The following SLC38A11 variants were observed in gnomAD, a reference collection of about 807,000 sequenced individuals.
The protein encoded by SLC38A11 is putative sodium-coupled neutral amino acid transporter 11.
In SLC38A11, 51 loss-of-function variants were observed where a neutral mutation model predicts 49.4. The observed-to-expected ratio is 1.03, with a 90% confidence interval of 0.83 to 1.30. The LOEUF (loss-of-function observed/expected upper bound fraction) is 1.30. Among genes scored for constraint, SLC38A11 ranks in the 50% most tolerant of loss-of-function variants. SLC38A11 has a pLI of 0.00. For synonymous variants in SLC38A11, 203 were observed against 192.9 expected (o/e 1.05, Z -0.43); for missense variants, 574 against 556.2 (o/e 1.03, Z -0.32).
At chr2:164,926,937 C>T (rs74169442) in intron 7 of SLC38A11, among the ~76,000 whole-genome samples, 2 of 150,910 alleles carry the variant, frequency 1.3e-5, no homozygotes, top group Non-Finnish European at 3.0e-5. Context: ...GGGTGCAGCA[C>T]ACCAACATGG....
chr2:164,919,911 G>A (rs964051420), intron 7 of SLC38A11, among the ~76,000 whole-genome samples: 1 of 152,094 alleles, frequency 6.6e-6, no homozygotes, highest in Non-Finnish European at 1.5e-5. Context: ...TATCTATAGG[G>A]TGTATGTTCC....
intron 3 of SLC38A11, among the ~76,000 whole-genome samples, chr2:164,951,204 A>G (rs549510969): frequency 3.2e-4 from 48 of 151,948 alleles, no homozygotes; most frequent in African/African-American, 1.0e-3. Context: ...ACTTGTATGC[A>G]TACTTTTAAA....
intron 7 of SLC38A11, among the ~76,000 whole-genome samples, chr2:164,920,777 C>T (rs1486042076): frequency 6.6e-6 from 1 of 151,798 alleles, no homozygotes; most frequent in East Asian, 1.9e-4. Context: ...GGGTATACAA[C>T]ACAAAAAGGA....
At chr2:164,948,681 G>A (rs1049623559) in intron 3 of SLC38A11, among the ~76,000 whole-genome samples, 20 of 151,994 alleles carry the variant, frequency 1.3e-4, no homozygotes, top group African/African-American at 4.6e-4. Flanking sequence ...TTCACATTAC[G>A]ACTGCATTAT....
intron 11 of SLC38A11, among the ~76,000 whole-genome samples, chr2:164,907,548 A>C (rs530381980): frequency 1.3e-5 from 2 of 152,088 alleles, no homozygotes; most frequent in Non-Finnish European, 2.9e-5. Flanking sequence ...TTACAGTGTG[A>C]GCCACCGTTC....
At chr2:164,943,341 A>C (rs2105507504) in intron 5 of SLC38A11, among the ~76,000 whole-genome samples, 1 of 152,334 alleles carries the variant, frequency 6.6e-6, no homozygotes, top group South Asian at 2.1e-4. Flanking sequence ...AAACGACACA[A>C]ATGTCCCTGA....
Position 164,939,573 on chromosome 2 carries a change from A to C in SLC38A11, c.431-17T>G. On this transcript the variant is annotated splice_polypyrimidine_tract_variant and intron_variant, in intron 5 of 11. Transcript: ENST00000685975. Reference sequence around the variant, plus strand: ...CAGGATCAACTAAAACACAATAAATATTATTAAATGTTACAGGTATAAGTA... The same window carrying C: ...CAGGATCAACTAAAACACAATAAATCTTATTAAATGTTACAGGTATAAGTA... 6.5e-7 allele frequency: 1 copy of C among 1,536,634 alleles called. No homozygotes were observed. The highest frequency in any genetic ancestry group is 9.0e-7 in the Non-Finnish European group (1 of 1,114,072).
chr2:164,936,144 A>G (rs1230706044), intron 7 of SLC38A11, among the ~76,000 whole-genome samples: 1 of 152,230 alleles, frequency 6.6e-6, no homozygotes, highest in East Asian at 1.9e-4. Context: ...GAAGAAAAAA[A>G]TAATATAAAT....
At chr2:164,927,319 T>C (rs569257076) in intron 7 of SLC38A11, among the ~76,000 whole-genome samples, 8 of 152,138 alleles carry the variant, frequency 5.3e-5, no homozygotes, top group Admixed American at 2.0e-4. Flanking sequence ...TCTTTATAAA[T>C]TACCCAGTCT....
chr2:164,902,209 C>T (rs1412960922), intron 11 of SLC38A11, among the ~76,000 whole-genome samples: 3 of 151,692 alleles, frequency 2.0e-5, no homozygotes, highest in Non-Finnish European at 2.9e-5. Flanking sequence ...TTTGCAGAGA[C>T]GAGGGATCAC....
At chr2:164,951,071 C>CTTCTCACAG (rs1688492746) in intron 3 of SLC38A11, among the ~76,000 whole-genome samples, 2 of 152,106 alleles carry the variant, frequency 1.3e-5, no homozygotes, top group Non-Finnish European at 2.9e-5. Flanking sequence ...TTGCAAAGGA[C>CTTCTCACAG]TTCTCACAGT....
chr2:164,936,458 A>C (rs766853379), intron 7 of SLC38A11, among the ~76,000 whole-genome samples: 6 of 152,196 alleles, frequency 3.9e-5, no homozygotes, highest in Non-Finnish European at 8.8e-5. Flanking sequence ...TTTTTCTTAC[A>C]GATGCCATTC....
At chr2:164,937,717 T>C (rs1389980254) in intron 6 of SLC38A11, 6 of 217,582 alleles carry the variant, frequency 2.8e-5, no homozygotes, top group Non-Finnish European at 3.6e-5. Context: ...CTGCATGGAA[T>C]ACAAAACTGG....
intron 9 of SLC38A11, among the ~76,000 whole-genome samples, chr2:164,913,382 A>G (rs1323561740): frequency 2.6e-5 from 4 of 152,064 alleles, no homozygotes; most frequent in African/African-American, 4.8e-5. Flanking sequence ...AGAAATGTCG[A>G]GGAGAATCTA....
At position 164,896,812 on chromosome 2, in the gene SLC38A11, C is replaced by T. The variant is rs1007074489; in HGVS notation, c.*1625G>A. The T allele has an allele frequency of 6.6e-6, 1 of 152,090 alleles. No homozygotes were observed. Among genetic ancestry groups the T allele is most frequent in the Admixed American group, 6.6e-5 (1 of 15,250 alleles). 9.4% of individuals were successfully genotyped at this position (152,090 alleles called of 1,614,324 possible). On this transcript the variant is annotated 3_prime_UTR_variant, in exon 12 of 12. Transcript: ENST00000685975. ...TGCATCTTCCTTTATGTTCAATAGGCCTTTCTCACTATGAGTCACACAGTG... is the reference window on the plus strand; with the variant it reads ...TGCATCTTCCTTTATGTTCAATAGGTCTTTCTCACTATGAGTCACACAGTG...
At chr2:164,908,427 C>T (rs530039164) in intron 11 of SLC38A11, among the ~76,000 whole-genome samples, 2 of 152,122 alleles carry the variant, frequency 1.3e-5, no homozygotes, top group Non-Finnish European at 2.9e-5. Context: ...GTTGTGACGA[C>T]CCCATATGTC....
At chr2:164,925,948 T>TC (rs1686546588) in intron 7 of SLC38A11, among the ~76,000 whole-genome samples, 1 of 152,208 alleles carries the variant, frequency 6.6e-6, no homozygotes, top group Admixed American at 6.5e-5. Flanking sequence ...AACTTTGGTA[T>TC]CACCCTAGGT....
chr2:164,911,337 C>A (rs1204468628), intron 10 of SLC38A11, among the ~76,000 whole-genome samples: 1 of 152,020 alleles, frequency 6.6e-6, no homozygotes, highest in Non-Finnish European at 1.5e-5. Flanking sequence ...TTGGCTGTCG[C>A]AAAAGGCTGG....
intron 7 of SLC38A11, among the ~76,000 whole-genome samples, chr2:164,931,623 G>T (rs554825813): frequency 1.3e-5 from 2 of 152,072 alleles, no homozygotes; most frequent in East Asian, 3.9e-4. Flanking sequence ...GGGCTGCACA[G>T]CTACAACTAT....
Sources: allele counts gnomAD v4.1 joint callset (sites outside exome capture counted in the v4.1 genomes callset), GRCh38; gene constraint gnomAD v4.1.1; transcripts MANE v1.5; gene names NCBI Gene and HGNC (gene_info 2026-07-23, HGNC 2026-07-21).